Variants in SYMPK observed in about 807,000 individuals in gnomAD.
The protein encoded by SYMPK is symplekin scaffold protein.
Under a neutral mutation model 136.4 loss-of-function variants are expected in SYMPK, and 49 were observed. The observed-to-expected ratio is 0.36, with a 90% CI of 0.29 to 0.46. SYMPK has a LOEUF of 0.46. SYMPK is among the 20% of genes least tolerant of loss of function. The probability of loss-of-function intolerance (pLI) is 1.00; values close to 1 mark genes in which losing one functional copy is unlikely to be tolerated. For synonymous variants in SYMPK, 766 were observed against 713.0 expected (o/e 1.07, Z -1.19); for missense variants, 1,365 against 1,690.0 (o/e 0.81, Z 3.37).
chr19:45,860,032 A>C (rs78268026), intron 1 of SYMPK, among the ~76,000 whole-genome samples: 19,236 of 149,262 alleles, frequency 0.13, 1,318 homozygotes, highest in South Asian at 0.17. Flanking sequence ...CTGGAGGCTA[A>C]GGTGGGAGGA....
chr19:45,828,229 T>G, intron 14 of SYMPK: 1 of 322,762 alleles, frequency 3.1e-6, no homozygotes, highest in Non-Finnish European at 6.0e-6. Context: ...GTATTTTAGA[T>G]ATGGTGGCCT....
chr19:45,816,708 T>A, intron 24 of SYMPK, 90 bp downstream of exon 24: 1 of 1,494,278 alleles, frequency 6.7e-7, no homozygotes. Context: ...TCCGCCTCCA[T>A]CCAGTCCCCA....
intron 1 of SYMPK, among the ~76,000 whole-genome samples, chr19:45,860,760 C>T (rs1971948018): frequency 6.6e-6 from 1 of 152,200 alleles, no homozygotes; most frequent in South Asian, 2.1e-4. Flanking sequence ...CCTCCTACCT[C>T]ATTTTCCCAA....
chr19:45,838,446 C>T lies in SYMPK; in HGVS notation c.1242+15G>A, dbSNP rs759796794. ...CTTCCTGCCCAGGGGGAAAACGCTC[C>T]CCACCCATCCTCACCAGATTAGCCA... On this transcript the variant is annotated intron_variant, in intron 10 of 26. Transcript: ENST00000245934. 6.2e-7 allele frequency: 1 copy of T among 1,605,302 alleles called. No homozygotes were observed. Among genetic ancestry groups the T allele is most frequent in the Non-Finnish European group, 8.5e-7 (1 of 1,173,156 alleles).
intron 20 of SYMPK, 39 bp downstream of exon 20, chr19:45,823,333 T>C: frequency 6.3e-7 from 1 of 1,597,902 alleles, no homozygotes; most frequent in Non-Finnish European, 8.6e-7. Context: ...GTCCCACATG[T>C]CCCAGGTAGC....
rs1267855870 is a variant in SYMPK, at chr19:45,815,665, C to T, written c.3720G>A (p.Glu1240=). 7.5e-6 allele frequency: 12 copies of T among 1,610,720 alleles called. No homozygotes were observed. Among genetic ancestry groups the T allele is most frequent in the Non-Finnish European group, 7.6e-6 (9 of 1,179,166 alleles). ...GTGCGAGGGTCTGGGGGCTCCGCTC[C>T]TCCTTCAAGGTCAGCCCGCCCGCTG... ...ETAAGGLTLK[E]ERSPQTLAPV... is the part of the protein sequence containing the mutation. Residue 1240 remains glutamate (E), a synonymous_variant, in exon 27 of 27, where the codon GAG becomes GAA. Transcript: ENST00000245934.
chr19:45,829,220 A>G lies in SYMPK; in HGVS notation c.1750-15T>C, dbSNP rs368351836. The G allele has an allele frequency of 5.6e-6, 9 of 1,609,100 alleles. No homozygotes were observed. Among genetic ancestry groups the G allele is most frequent in the Non-Finnish European group, 7.7e-6 (9 of 1,175,938 alleles). ...TTTATGCGGACCTGGTGGGAGGGTG[A>G]GCCAGCATGTCAGTGTAGGGTGGGC... On this transcript the variant is annotated splice_polypyrimidine_tract_variant and intron_variant, in intron 13 of 26. Transcript: ENST00000245934.
chr19:45,860,377 G>A (rs138042453), intron 1 of SYMPK, among the ~76,000 whole-genome samples: 366 of 151,874 alleles, frequency 2.4e-3, no homozygotes, highest in South Asian at 7.7e-3. Flanking sequence ...AGAATCGCTT[G>A]AATTTGGGAG....
chr19:45,848,973 T>C, intron 5 of SYMPK, 97 bp from the exon 6 acceptor site: 1 of 1,459,502 alleles, frequency 6.9e-7, no homozygotes, highest in Non-Finnish European at 9.5e-7. Context: ...CAGGGACCTG[T>C]CTCAGGGGAC....
Position 45,847,870 on chromosome 19 carries a change from A to G in SYMPK, c.558T>C (p.Phe186=), listed in dbSNP as rs1971604874. 2 of 1,614,066 alleles carry G rather than the reference A, an allele frequency of 1.2e-6. No homozygotes were observed. The highest frequency in any genetic ancestry group is 2.2e-5 in the East Asian group (1 of 44,882). ...ACAGGGTGACAATGAGGCCCTCCACAAACTTGATGGCGTGGGTGCGGATGC... is the reference window on the plus strand; with the variant it reads ...ACAGGGTGACAATGAGGCCCTCCACGAACTTGATGGCGTGGGTGCGGATGC... The part of the protein sequence containing the change: ...NDGIRTHAIK[F]VEGLIVTLSP... Residue 186 remains phenylalanine, a synonymous_variant, in exon 7 of 27, where the codon TTT becomes TTC. Transcript: ENST00000245934.
In SYMPK at chr19:45,825,330, C is replaced by T. The variant is rs144079083; in HGVS notation, c.2331G>A (p.Glu777=). The change falls in exon 18 of 27, where the codon GAG becomes GAA. Residue 777 remains glutamate, a splice_region_variant and synonymous_variant. Coordinates refer to ENST00000245934, the MANE Select transcript of SYMPK (RefSeq NM_004819.3). ...TCTCCTCCGTCCAGGGTGCTGCCACCTCTGACAGGGCAGGAGCGGGCATCA... is the reference window on the plus strand; with the variant it reads ...TCTCCTCCGTCCAGGGTGCTGCCACTTCTGACAGGGCAGGAGCGGGCATCA... ...SVLFGADKDT[E]VAAPWTEETV... The T allele has an allele frequency of 2.8e-5, 45 of 1,613,444 alleles. 1 individual carries two copies. Among genetic ancestry groups the T allele is most frequent in the Middle Eastern group, 1.7e-4 (1 of 6,058 alleles).
chr19:45,861,021 C>G (rs1971954060), intron 1 of SYMPK, among the ~76,000 whole-genome samples: 1 of 152,134 alleles, frequency 6.6e-6, no homozygotes, highest in South Asian at 2.1e-4. Context: ...TTGTTTTTTA[C>G]CCCCAGGTCT....
Position 45,815,884 on chromosome 19 carries a change from C to A in SYMPK, c.3654G>T (p.Leu1218=), listed in dbSNP as rs542766604. ...GGGGGCCCTCGAGACTAGAGTCCAA[C>A]AGCGCGGCCTCGGTCAGCCCCGAGT... The part of the protein sequence containing the change: ...DDDSGLTEAA[L]LDSSLEGPLP... Residue 1218 remains leucine (L), a synonymous_variant, in exon 26 of 27, where the codon CTG becomes CTT. Coordinates refer to ENST00000245934, the MANE Select transcript of SYMPK (RefSeq NM_004819.3). 2.4e-5 allele frequency: 38 copies of A among 1,612,440 alleles called. No homozygotes were observed. The South Asian group carries it at 4.2e-4, about 18-fold the overall frequency.
chr19:45,846,117 T>C (rs1267092412), intron 7 of SYMPK, among the ~76,000 whole-genome samples: 1 of 152,152 alleles, frequency 6.6e-6, no homozygotes, highest in Non-Finnish European at 1.5e-5. Flanking sequence ...GCACCTGTGG[T>C]CCCAGCTACT....
At chr19:45,823,583 A>T (rs140651375) in intron 19 of SYMPK, 111 bp from the exon 20 acceptor site, 1 of 1,095,636 alleles carries the variant, frequency 9.1e-7, no homozygotes, top group African/African-American at 1.5e-5. Context: ...TGGCAACTTC[A>T]CCCTTGGCTG....
chr19:45,829,734 G>A (rs1176142938), intron 13 of SYMPK, among the ~76,000 whole-genome samples: 2 of 152,220 alleles, frequency 1.3e-5, no homozygotes, highest in African/African-American at 2.4e-5. Context: ...AAGCTAAATA[G>A]TAACAGTAAG....
intron 11 of SYMPK, 130 bp from the exon 12 acceptor site, chr19:45,831,718 G>A: frequency 1.7e-6 from 1 of 583,826 alleles, no homozygotes; most frequent in Non-Finnish European, 2.7e-6. Flanking sequence ...ACACAACACT[G>A]TCCTGGAGTG....
At chr19:45,822,899 C>A in intron 20 of SYMPK, 53 bp from the exon 21 acceptor site, 2 of 1,451,264 alleles carry the variant, frequency 1.4e-6, no homozygotes, top group Non-Finnish European at 1.9e-6. Context: ...ACCCTCATTT[C>A]CCTTCTAGAC....
In SYMPK at chr19:45,842,412, G is replaced by A. The variant is rs766730582; in HGVS notation, c.925C>T (p.Leu309=). ...KNLKLHLLSV[L]KHPASLEFQA... Reference sequence around the variant, plus strand: ...AACTCCAAGGAAGCCGGGTGCTTCAGCACACTCAACAGGTGCAGCTTCAGA... The same window carrying A: ...AACTCCAAGGAAGCCGGGTGCTTCAACACACTCAACAGGTGCAGCTTCAGA... The change falls in exon 9 of 27, where the codon CTG becomes TTG. Residue 309 remains leucine (L), a synonymous_variant. Coordinates refer to ENST00000245934, the MANE Select transcript of SYMPK (RefSeq NM_004819.3). The A allele has an allele frequency of 2.1e-5, 34 of 1,614,200 alleles. 1 individual carries two copies. In the South Asian group the frequency reaches 3.1e-4, roughly 15 times the overall value.
Sources: gnomAD v4.1 joint callset for allele counts (sites outside exome capture counted in the v4.1 genomes callset) on GRCh38, gnomAD v4.1.1 for gene constraint, MANE v1.5 for transcripts, NCBI Gene and HGNC (gene_info 2026-07-23, HGNC 2026-07-21) for gene names.